SPATA32: variants seen among roughly 807,000 people sequenced by gnomAD.
SPATA32 encodes the protein spermatogenesis-associated protein 32.
SPATA32 carries 28 observed loss-of-function variants against 35.4 expected under a neutral mutation model. The ratio of observed to expected loss-of-function variants is 0.79; its 90% CI spans 0.59 to 1.09. The LOEUF (loss-of-function observed/expected upper bound fraction) is 1.09. Among genes scored for constraint, SPATA32 ranks in the 50% least tolerant of loss-of-function variants. SPATA32 has a pLI of 0.00. For missense variants in SPATA32, 409 were observed against 475.9 expected (o/e 0.86, Z 1.31); for synonymous variants, 168 against 196.3 (o/e 0.86, Z 1.20).
rs150422038 is a variant in SPATA32 at position 45,256,788 on chromosome 17, C to G, written c.68+365G>C. ...AACACTAGTCCCCAGCAGGGGAGCCCCAGAGCAATGTCCTCCCACCCACCT... is the reference window on the plus strand; with the variant it reads ...AACACTAGTCCCCAGCAGGGGAGCCGCAGAGCAATGTCCTCCCACCCACCT... On this transcript the variant is annotated intron_variant, in intron 2 of 4. Transcript: ENST00000331780. This position sits in a 1 kb window ranked among gnomAD's most constrained non-coding sequence, Gnocchi z 4.7. Among the ~76,000 whole-genome samples, 311 of 152,226 alleles carry G rather than the reference C, an allele frequency of 2.0e-3. 2 individuals carry two copies. Among genetic ancestry groups the G allele is most frequent in the African/African-American group, 7.0e-3 (292 of 41,518 alleles).
intron 1 of SPATA32, among the ~76,000 whole-genome samples, chr17:45,257,513 T>C (rs1029844122): frequency 6.7e-6 from 1 of 149,590 alleles, no homozygotes; most frequent in African/African-American, 2.4e-5. Context: ...CCTGGTCACT[T>C]TACCTGCTTT....
intron 1 of SPATA32, among the ~76,000 whole-genome samples, chr17:45,261,503 C>A (rs2044007998): frequency 6.6e-6 from 1 of 152,176 alleles, no homozygotes; most frequent in Non-Finnish European, 1.5e-5. Flanking sequence ...ACACAGGGCA[C>A]TGGGGGCAAA....
chr17:45,255,742 T>A lies in SPATA32; in HGVS notation c.440A>T (p.His147Leu). The A allele has an allele frequency of 6.2e-7, 1 of 1,613,706 alleles. No individual in the cohort carries two copies. The change falls in exon 4 of 5, where the codon CAC becomes CTC. Residue 147 changes from histidine to leucine, a missense_variant. His to Leu is a moderately conservative substitution (Grantham distance 99). Coordinates refer to ENST00000331780, the MANE Select transcript of SPATA32 (RefSeq NM_152343.3). The surrounding 1 kb of genome is among the most constrained non-coding windows in gnomAD (Gnocchi z 5.4). ...TEENHVSACH[H>L]SISAQTSKHL... ...CTTGGAGGTCTGCGCACTGATGGAG[T>A]GATGGCAGGCAGACACGTGGTTCTC...
At chr17:45,258,999 C>G (rs1471354133) in intron 1 of SPATA32, among the ~76,000 whole-genome samples, 1 of 151,888 alleles carries the variant, frequency 6.6e-6, no homozygotes, top group Non-Finnish European at 1.5e-5. Flanking sequence ...CTTTTGTATC[C>G]TGCAACTATA....
At chr17:45,259,516 C>G (rs1431271370) in intron 1 of SPATA32, among the ~76,000 whole-genome samples, 2 of 151,856 alleles carry the variant, frequency 1.3e-5, no homozygotes, top group Non-Finnish European at 1.5e-5. Flanking sequence ...TTTTTATATT[C>G]TGTTTATGGT....
In SPATA32 at chr17:45,255,953, GCT is replaced by G. The variant is rs1567980590; in HGVS notation, c.227_228del (p.Glu76AlafsTer8). On this transcript the variant is annotated frameshift_variant, in exon 4 of 5. Transcript: ENST00000331780. LOFTEE classifies it high-confidence loss of function. This position sits in a 1 kb window ranked among gnomAD's most constrained non-coding sequence, Gnocchi z 5.4. ...IGQVPALLES[E>X]LYPALKLEAE... ...GCTTCAAGCTTGAGGGCTGGGTATA[GCT>G]CTGACTCCAGTAAAGCCGGCACCTG... 3.7e-6 allele frequency: 6 copies of G among 1,614,116 alleles called. 1 individual carries two copies. The highest frequency in any genetic ancestry group is 5.1e-6 in the Non-Finnish European group (6 of 1,180,008).
chr17:45,256,015 G>A lies in SPATA32; in HGVS notation c.167C>T (p.Pro56Leu). ...CAGTTCTGGGTCTGGGTCTGGGTCT[G>A]GGTCCAGGTCCAGGTCCACTTGGAG... ...PQLQVDLDLD[P>L]DPDPDPELEI... is the part of the protein sequence containing the mutation. The change falls in exon 4 of 5, where the codon CCA becomes CTA. Residue 56 changes from proline (P) to leucine (L), a missense_variant. Transcript: ENST00000331780. The surrounding 1 kb of genome is among the most constrained non-coding windows in gnomAD (Gnocchi z 4.7). The A allele has an allele frequency of 1.2e-6, 2 of 1,613,658 alleles. No homozygotes were observed. Among genetic ancestry groups the A allele is most frequent in the Non-Finnish European group, 1.7e-6 (2 of 1,179,850 alleles).
chr17:45,261,681 G>C (rs1181171832), intron 1 of SPATA32: 1 of 359,334 alleles, frequency 2.8e-6, no homozygotes, highest in East Asian at 4.1e-5. Context: ...GTCGTTTCCT[G>C]TGCACAAGGC....
Position 45,255,688 on chromosome 17 carries a change from TG to T in SPATA32, c.493del (p.Gln165ArgfsTer74), listed in dbSNP as rs754826044. The T allele has an allele frequency of 1.9e-6, 3 of 1,613,910 alleles. No homozygotes were observed. In the African/African-American group the frequency reaches 4.0e-5, roughly 22 times the overall value. ...CCGCTGCAGGCTGTGCTCTGAGGCC[TG>T]GATGAGCTTGTTTGCCCAGAAGAGG... ...KHLFWANKLIQASEHSLQRAI... is the reference protein window; with the variant it reads ...KHLFWANKLIXASEHSLQRAI... On this transcript the variant is annotated frameshift_variant, in exon 4 of 5. Transcript: ENST00000331780. LOFTEE classifies it high-confidence loss of function. This position sits in a 1 kb window ranked among gnomAD's most constrained non-coding sequence, Gnocchi z 5.4.
chr17:45,261,360 C>T (rs2044006228), intron 1 of SPATA32, among the ~76,000 whole-genome samples: 1 of 152,182 alleles, frequency 6.6e-6, no homozygotes, highest in African/African-American at 2.4e-5. Context: ...GTTGGGATTG[C>T]AGGCGTTGAG....
At chr17:45,257,275 G>A (rs910315680) in intron 1 of SPATA32, 68 bp from the exon 2 acceptor site, 102 of 1,510,738 alleles carry the variant, frequency 6.8e-5, no homozygotes, top group Non-Finnish European at 8.9e-5. Context: ...GGATTCCGGA[G>A]CCAGCCCCCT....
chr17:45,257,245 G>C (rs752171953), intron 1 of SPATA32, 38 bp from the exon 2 acceptor site: 1 of 1,585,932 alleles, frequency 6.3e-7, no homozygotes, highest in Non-Finnish European at 8.6e-7. Context: ...GGAGCTGCAG[G>C]GTAGAGGACA....
At chr17:45,258,104 C>T (rs2043974328) in intron 1 of SPATA32, among the ~76,000 whole-genome samples, 1 of 152,118 alleles carries the variant, frequency 6.6e-6, no homozygotes, top group South Asian at 2.1e-4. Context: ...CTGGCTCTGG[C>T]TGGGAAGAAT....
Position 45,256,430 on chromosome 17 carries a change from G to A in SPATA32, c.69-15C>T, listed in dbSNP as rs1790177148. 6.2e-7 allele frequency: 1 copy of A among 1,609,068 alleles called. No individual in the cohort carries two copies. The highest frequency in any genetic ancestry group is 8.5e-7 in the Non-Finnish European group (1 of 1,175,364). ...TTAAGTCATCTCTAAGACAGAAGAA[G>A]ACAGAGTGGGTGATGGGGATCTGTG... On this transcript the variant is annotated splice_polypyrimidine_tract_variant and intron_variant, in intron 2 of 4. Coordinates refer to ENST00000331780, the MANE Select transcript of SPATA32 (RefSeq NM_152343.3). This position sits in a 1 kb window ranked among gnomAD's most constrained non-coding sequence, Gnocchi z 4.7.
At chr17:45,258,416 C>T (rs2043976830) in intron 1 of SPATA32, among the ~76,000 whole-genome samples, 1 of 152,166 alleles carries the variant, frequency 6.6e-6, no homozygotes, top group African/African-American at 2.4e-5. Flanking sequence ...GCTCCCTTTA[C>T]AGAATTTCCC....
intron 4 of SPATA32, among the ~76,000 whole-genome samples, chr17:45,254,801 G>C (rs558283471): frequency 8.0e-4 from 122 of 152,306 alleles, no homozygotes; most frequent in Non-Finnish European, 3.1e-4. Flanking sequence ...CCCAACCTTG[G>C]TGAGGCCCGA....
chr17:45,255,368 C>G lies in SPATA32; in HGVS notation c.814G>C (p.Ala272Pro). 1 of 1,614,198 alleles carries G rather than the reference C, an allele frequency of 6.2e-7. No homozygotes were observed. The highest frequency in any genetic ancestry group is 8.5e-7 in the Non-Finnish European group (1 of 1,180,038). Residue 272 changes from alanine to proline, a missense_variant, in exon 4 of 5, where the codon GCT (alanine) becomes CCT (proline). By Grantham distance (27) the Ala-to-Pro change is conservative (BLOSUM62 -1). Coordinates refer to ENST00000331780, the MANE Select transcript of SPATA32 (RefSeq NM_152343.3). The surrounding 1 kb of genome is among the most constrained non-coding windows in gnomAD (Gnocchi z 5.4). ...AGGGGCTCTGTGGAAGGCTCCAGAG[C>G]CTCCTGGGGTGGAGCTTTCATCATG... ...EHMMKAPPQEALEPSTEPLLT... is the reference protein window; with the variant it reads ...EHMMKAPPQEPLEPSTEPLLT...
At chr17:45,258,883 G>A (rs1368594620) in intron 1 of SPATA32, among the ~76,000 whole-genome samples, 1 of 152,140 alleles carries the variant, frequency 6.6e-6, no homozygotes, top group Non-Finnish European at 1.5e-5. Flanking sequence ...TGATCTGCCT[G>A]CCTCGGCCTC....
chr17:45,260,603 A>G (rs11656414), intron 1 of SPATA32: 80,711 of 152,096 alleles, frequency 0.53, 21,681 homozygotes, highest in Non-Finnish European at 0.56. Context: ...GGAAACGTGT[A>G]TGAGGTCATG....
Sources: gnomAD v4.1 joint callset for allele counts (sites outside exome capture counted in the v4.1 genomes callset) on GRCh38, gnomAD v4.1.1 for gene constraint, Gnocchi (gnomAD v3.1) non-coding constraint, MANE v1.5 for transcripts, NCBI Gene and HGNC (gene_info 2026-07-23, HGNC 2026-07-21) for gene names.